The following TTLL11 variants were observed in gnomAD, a reference collection of about 807,000 sequenced individuals.
The protein encoded by TTLL11 is tubulin tyrosine ligase like 11.
In TTLL11, 42 loss-of-function variants were observed where a neutral mutation model predicts 51.7. The observed-to-expected ratio is 0.81, with a 90% CI of 0.64 to 1.05. The LOEUF is 1.05. Among genes scored for constraint, TTLL11 ranks in the 50% least tolerant of loss-of-function variants. The pLI is 0.00. For missense variants in TTLL11, 799 were observed against 940.4 expected (o/e 0.85, Z 1.97); for synonymous variants, 381 against 383.5 (o/e 0.99, Z 0.08).
chr9:121,954,658 GCACA>G (rs796092810), intron 6 of TTLL11, among the ~76,000 whole-genome samples: 1 of 140,332 alleles, frequency 7.1e-6, no homozygotes, highest in Non-Finnish European at 1.5e-5. Context: ...TTCAGTGCAA[GCACA>G]CACACACACA....
At chr9:122,015,223 T>C (rs547958565) in intron 3 of TTLL11, among the ~76,000 whole-genome samples, 1 of 152,250 alleles carries the variant, frequency 6.6e-6, no homozygotes, top group South Asian at 2.1e-4. Context: ...GAGAGGAAAA[T>C]ATACTTTCCA....
chr9:122,011,208 T>C lies in TTLL11; in HGVS notation c.693+20515A>G, dbSNP rs998892024. On this transcript the variant is annotated intron_variant, in intron 3 of 8. Transcript: ENST00000321582. ...ATGTACCTTTTGCCTTCCGCCACGA[T>C]TGTGAGGCCTCCCCAGACACATGGA... Among the ~76,000 whole-genome samples the C allele has an allele frequency of 3.9e-5, 6 of 152,306 alleles. No homozygotes were observed. In the South Asian group the frequency reaches 1.0e-3, roughly 26 times the overall value.
At chr9:122,018,909 A>G (rs1184002613) in intron 3 of TTLL11, among the ~76,000 whole-genome samples, 2 of 152,226 alleles carry the variant, frequency 1.3e-5, no homozygotes, top group African/African-American at 4.8e-5. Flanking sequence ...TACTGCTGAG[A>G]AAAGAGACTC....
At chr9:122,029,873 A>G (rs147354549) in intron 3 of TTLL11, among the ~76,000 whole-genome samples, 5 of 152,150 alleles carry the variant, frequency 3.3e-5, no homozygotes, top group African/African-American at 1.2e-4. Flanking sequence ...TAGGTGTATC[A>G]TTTTTCATCT....
At chr9:121,895,517 ATGACTG>A (rs961665296) in intron 6 of TTLL11, among the ~76,000 whole-genome samples, 22 of 146,856 alleles carry the variant, frequency 1.5e-4, no homozygotes, top group African/African-American at 2.3e-4. Context: ...TTGTGTTTGT[ATGACTG>A]TGACTGTGAC....
intron 6 of TTLL11, 74 bp downstream of exon 6, chr9:121,973,935 C>T (rs2131657752): frequency 9.6e-7 from 1 of 1,045,670 alleles, no homozygotes. Context: ...GTTCCAAGAA[C>T]TTACCTGCTT....
chr9:121,932,600 T>C (rs1379606608), intron 6 of TTLL11, among the ~76,000 whole-genome samples: 4 of 152,220 alleles, frequency 2.6e-5, no homozygotes, highest in African/African-American at 9.6e-5. Context: ...GGAGAGCCCA[T>C]GCTATTACAA....
intron 1 of TTLL11, among the ~76,000 whole-genome samples, chr9:122,055,339 A>G (rs1425559280): frequency 6.6e-6 from 1 of 152,204 alleles, no homozygotes; most frequent in Non-Finnish European, 1.5e-5. Flanking sequence ...CGAATCCCAA[A>G]GCTGAAGAAC....
intron 6 of TTLL11, among the ~76,000 whole-genome samples, chr9:121,893,507 G>C (rs1839338364): frequency 6.6e-6 from 1 of 152,172 alleles, no homozygotes; most frequent in African/African-American, 2.4e-5. Flanking sequence ...CAGAGAAGAT[G>C]AATAATTTGC....
At chr9:122,077,389 A>G (rs1460050677) in intron 1 of TTLL11, among the ~76,000 whole-genome samples, 1 of 152,244 alleles carries the variant, frequency 6.6e-6, no homozygotes, top group Non-Finnish European at 1.5e-5. Context: ...TTGCATTGTT[A>G]AAAAGAGAAT....
chr9:121,968,894 C>T (rs1842482370), intron 6 of TTLL11, among the ~76,000 whole-genome samples: 1 of 151,428 alleles, frequency 6.6e-6, no homozygotes, highest in African/African-American at 2.4e-5. Flanking sequence ...TTTTGAGACA[C>T]AGTCTCACTC....
At chr9:122,004,421 T>C (rs7871827) in intron 3 of TTLL11, among the ~76,000 whole-genome samples, 12,137 of 151,884 alleles carry the variant, frequency 0.08, 892 homozygotes, top group African/African-American at 0.2. Context: ...GCGATCTCTG[T>C]TCACTGCAAC....
At chr9:121,991,068 G>GA (rs959808370) in intron 3 of TTLL11, among the ~76,000 whole-genome samples, 1 of 152,192 alleles carries the variant, frequency 6.6e-6, no homozygotes, top group Non-Finnish European at 1.5e-5. Context: ...CTTCTGGTGT[G>GA]AAAGTTCCCC....
chr9:122,093,060 G>C lies in TTLL11; in HGVS notation c.89C>G (p.Ala30Gly). Residue 30 changes from alanine (A) to glycine (G), a missense_variant, in exon 1 of 9, where the codon GCC becomes GGC. Physicochemically the swap from Ala to Gly is moderately conservative, Grantham distance 60. Coordinates refer to ENST00000321582, the MANE Select transcript of TTLL11 (RefSeq NM_001139442.2). ...CGCCACCGTCTCCGCTGTGGCCTCGGCCTCAGCTTTGGCCGCCGCTTTGGC... is the reference window on the plus strand; with the variant it reads ...CGCCACCGTCTCCGCTGTGGCCTCGCCCTCAGCTTTGGCCGCCGCTTTGGC... ...AAAKAAAKAE[A>G]EATAETVAEQ... 6.6e-7 allele frequency: 1 copy of C among 1,513,784 alleles called. No homozygotes were observed. The allele number at this position is 1,513,784 out of a possible 1,614,324, so 93.8% of individuals were successfully genotyped here.
intron 6 of TTLL11, among the ~76,000 whole-genome samples, chr9:121,904,379 A>G (rs1339062807): frequency 5.9e-5 from 9 of 151,992 alleles, no homozygotes; most frequent in African/African-American, 1.9e-4. Flanking sequence ...GTTTCACCGT[A>G]TTAGCCAGTA....
chr9:121,836,396 A>G (rs76373407), intron 8 of TTLL11, among the ~76,000 whole-genome samples: 1,999 of 152,274 alleles, frequency 0.013, 53 homozygotes, highest in African/African-American at 0.046. Flanking sequence ...TGCTAACAAC[A>G]GCCATCCAGC....
chr9:122,023,464 A>G (rs1844233622), intron 3 of TTLL11, among the ~76,000 whole-genome samples: 1 of 152,002 alleles, frequency 6.6e-6, no homozygotes, highest in African/African-American at 2.4e-5. Flanking sequence ...CATTATCCTG[A>G]TAACGAACCA....
chr9:122,018,109 CTTTT>C (rs386416144), intron 3 of TTLL11, among the ~76,000 whole-genome samples: 28 of 121,556 alleles, frequency 2.3e-4, no homozygotes, highest in East Asian at 1.1e-3. Context: ...AATAATGCCA[CTTTT>C]TTTTTTTTTT....
chr9:121,942,794 T>C (rs1011782622), intron 6 of TTLL11, among the ~76,000 whole-genome samples: 8 of 148,644 alleles, frequency 5.4e-5, no homozygotes, highest in African/African-American at 2.0e-4. Flanking sequence ...CACACTTTCC[T>C]GCCTTTGCAA....
Sources: allele counts gnomAD v4.1 joint callset (sites outside exome capture counted in the v4.1 genomes callset), GRCh38; gene constraint gnomAD v4.1.1; transcripts MANE v1.5; gene names NCBI Gene and HGNC (gene_info 2026-07-23, HGNC 2026-07-21).